NEGR1: variants seen among roughly 807,000 people sequenced by gnomAD.
The protein encoded by NEGR1 is neuronal growth regulator 1.
A neutral mutation model predicts 40.9 loss-of-function variants in NEGR1; 10 were observed. The observed-to-expected ratio is 0.24, with a 90% confidence interval of 0.15 to 0.42. NEGR1 has a LOEUF of 0.42. Ranked by LOEUF, NEGR1 falls within the 10% of genes least tolerant of loss-of-function variation. The pLI is 1.00. For synonymous variants in NEGR1, 185 were observed against 166.8 expected, an observed-to-expected ratio of 1.11 and a Z score of -0.84; for missense variants, 352 against 438.9, an observed-to-expected ratio of 0.80 and a Z score of 1.77.
intron 1 of NEGR1, among the ~76,000 whole-genome samples, chr1:72,082,576 C>T (rs113068667): frequency 0.015 from 2,230 of 151,986 alleles, 53 homozygotes; most frequent in African/African-American, 0.051. Flanking sequence ...ATCTTTTATC[C>T]TGATATTTTG....
At chr1:72,057,996 G>C (rs1647127665) in intron 1 of NEGR1, among the ~76,000 whole-genome samples, 1 of 151,424 alleles carries the variant, frequency 6.6e-6, no homozygotes, top group Non-Finnish European at 1.5e-5. Flanking sequence ...TCACAGTTAG[G>C]TCCCTGGCGC....
At chr1:72,023,435 T>C (rs921552607) in intron 1 of NEGR1, among the ~76,000 whole-genome samples, 8 of 151,988 alleles carry the variant, frequency 5.3e-5, no homozygotes, top group African/African-American at 1.9e-4. Flanking sequence ...AGCTGATTTA[T>C]CAGGGGAATT....
In NEGR1 at chr1:71,857,742, C is replaced by T. The variant is rs1198624022; in HGVS notation, c.409+77337G>A. ...TAAAGCTCTACAGAAATATATGGTG[C>T]TTTTATTATCTTTTGACTGTGATAT... On this transcript the variant is annotated intron_variant, in intron 2 of 6. Transcript: ENST00000357731. Among the ~76,000 whole-genome samples the T allele has an allele frequency of 2.0e-5, 3 of 149,242 alleles. No individual in the cohort carries two copies. The Admixed American group carries it at 2.0e-4, about 10-fold the overall frequency.
At chr1:71,510,488 A>G (rs1647065324) in intron 6 of NEGR1, among the ~76,000 whole-genome samples, 1 of 152,226 alleles carries the variant, frequency 6.6e-6, no homozygotes, top group East Asian at 1.9e-4. Context: ...CAAATGTAAC[A>G]AACCACATGG....
chr1:71,943,890 ACTGAATG>A (rs1289502243), intron 1 of NEGR1, among the ~76,000 whole-genome samples: 2 of 152,182 alleles, frequency 1.3e-5, no homozygotes, highest in African/African-American at 2.4e-5. Flanking sequence ...CTCTAAGATT[ACTGAATG>A]CATGAATACA....
intron 1 of NEGR1, among the ~76,000 whole-genome samples, chr1:72,125,153 C>T (rs939916142): frequency 1.3e-5 from 2 of 151,974 alleles, no homozygotes; most frequent in African/African-American, 4.8e-5. Context: ...GCTAGAATAA[C>T]ACTTGTGATC....
intron 1 of NEGR1, among the ~76,000 whole-genome samples, chr1:72,019,188 C>T (rs1259543782): frequency 6.6e-6 from 1 of 151,984 alleles, no homozygotes; most frequent in Non-Finnish European, 1.5e-5. Flanking sequence ...GAGTTACATG[C>T]TTATGTATTT....
chr1:71,766,847 G>A (rs908567407), intron 3 of NEGR1, among the ~76,000 whole-genome samples: 1 of 152,064 alleles, frequency 6.6e-6, no homozygotes, highest in East Asian at 1.9e-4. Context: ...ATGACATCTT[G>A]TTGTTTAAAA....
intron 1 of NEGR1, among the ~76,000 whole-genome samples, chr1:72,280,790 T>A (rs1024869313): frequency 1.3e-5 from 2 of 152,150 alleles, no homozygotes; most frequent in Middle Eastern, 3.2e-3. Context: ...AATTTAAATA[T>A]GTTGCATGTT....
chr1:71,928,346 ATG>A (rs371020480), intron 2 of NEGR1, among the ~76,000 whole-genome samples: 1 of 58,278 alleles, frequency 1.7e-5, no homozygotes, highest in East Asian at 5.6e-4. Flanking sequence ...ATATACACAC[ATG>A]TGTATATATA....
intron 4 of NEGR1, among the ~76,000 whole-genome samples, chr1:71,652,576 T>C (rs1249902075): frequency 6.6e-6 from 1 of 152,150 alleles, no homozygotes; most frequent in Admixed American, 6.5e-5. Flanking sequence ...ATTTTGCCCA[T>C]TATAGAAAAA....
At chr1:72,149,879 C>CAAAAAAAAAAAAAAAAAAAA (rs1180110033) in intron 1 of NEGR1, among the ~76,000 whole-genome samples, 7 of 39,310 alleles carry the variant, frequency 1.8e-4, no homozygotes, top group African/African-American at 3.4e-4. Context: ...AAAACTCTGT[C>CAAAAAAAAAAAAAAAAAAAA]AAAAAAAAAA....
intron 6 of NEGR1, among the ~76,000 whole-genome samples, chr1:71,474,717 C>CAATAAA (rs1646808188): frequency 1.2e-5 from 1 of 86,032 alleles, no homozygotes; most frequent in Non-Finnish European, 2.2e-5. Context: ...GACTCTATCT[C>CAATAAA]AAAAAAAAAA....
chr1:71,759,798 C>T (rs1408683358), intron 3 of NEGR1, among the ~76,000 whole-genome samples: 2 of 151,024 alleles, frequency 1.3e-5, no homozygotes, highest in East Asian at 2.0e-4. Flanking sequence ...TTAGTAGAGA[C>T]GGGGTTTCGG....
intron 4 of NEGR1, among the ~76,000 whole-genome samples, chr1:71,680,145 T>G (rs1245626374): frequency 6.6e-6 from 1 of 152,046 alleles, no homozygotes; most frequent in Non-Finnish European, 1.5e-5. Context: ...ATTTGAAAGT[T>G]TTCTTTTTAT....
Position 71,705,965 on chromosome 1 carries a change from A to G in NEGR1, c.536-7826T>C, listed in dbSNP as rs1052430094. On this transcript the variant is annotated intron_variant, in intron 3 of 6. Coordinates refer to ENST00000357731, the MANE Select transcript of NEGR1 (RefSeq NM_173808.3). ...GCATCATTCCCCAACAAGGACATCA[A>G]GTTAATAACTATCTACACAGAAGAA... Among the ~76,000 whole-genome samples the G allele has an allele frequency of 9.9e-5, 15 of 152,254 alleles. No homozygotes were observed. In the South Asian group the frequency reaches 1.2e-3, roughly 13 times the overall value.
chr1:71,621,007 G>A (rs762778291), intron 4 of NEGR1, among the ~76,000 whole-genome samples: 1 of 151,888 alleles, frequency 6.6e-6, no homozygotes, highest in Non-Finnish European at 1.5e-5. Context: ...CACTGAGTTA[G>A]TTGTCAATAA....
intron 1 of NEGR1, among the ~76,000 whole-genome samples, chr1:71,980,921 A>G (rs1005726204): frequency 6.6e-6 from 1 of 151,946 alleles, no homozygotes; most frequent in African/African-American, 2.4e-5. Context: ...ATTCTTTATC[A>G]TCAAGTCTAT....
Position 71,938,778 on chromosome 1 carries a change from G to A in NEGR1, c.177-3467C>T, listed in dbSNP as rs570277041. Among the ~76,000 whole-genome samples, 3 of 152,166 alleles carry A rather than the reference G, an allele frequency of 2.0e-5. No homozygotes were observed. In the East Asian group the frequency reaches 5.8e-4, roughly 29 times the overall value. ...AGCAAGGATGATAAAGCATGCGCAT[G>A]AACAGCCATCATGCAGAACAGGGAG... On this transcript the variant is annotated intron_variant, in intron 1 of 6. Transcript: ENST00000357731.
Sources: allele counts gnomAD v4.1 joint callset (sites outside exome capture counted in the v4.1 genomes callset), GRCh38; gene constraint gnomAD v4.1.1; transcripts MANE v1.5; gene names NCBI Gene and HGNC (gene_info 2026-07-23, HGNC 2026-07-21).